The following POU2F2 variants were observed in gnomAD, a reference collection of about 807,000 sequenced individuals.
POU2F2 encodes the protein POU domain, class 2, transcription factor 2.
A neutral mutation model predicts 63.5 loss-of-function variants in POU2F2; 14 were observed. The ratio of observed to expected loss-of-function variants is 0.22; its 90% confidence interval spans 0.15 to 0.34. The LOEUF is 0.34. Among genes scored for constraint, POU2F2 ranks in the 10% least tolerant of loss-of-function variants. The pLI is 1.00. For missense variants in POU2F2, 607 were observed against 815.2 expected (o/e 0.74, Z 3.11); for synonymous variants, 306 against 348.6 (o/e 0.88, Z 1.36).
rs1431830579 is a variant in POU2F2, at chr19:42,122,582, G to A, written c.29-6C>T. On this transcript the variant is annotated splice_polypyrimidine_tract_variant and splice_region_variant and intron_variant, in intron 1 of 14. Transcript: ENST00000692977. ...GGGCTTAGACATTCTTATTTCTGGGGACAGAGGAGGAATGGAAGTGGGGTG... is the reference window on the plus strand; with the variant it reads ...GGGCTTAGACATTCTTATTTCTGGGAACAGAGGAGGAATGGAAGTGGGGTG... 7.6e-6 allele frequency: 12 copies of A among 1,569,392 alleles called. No homozygotes were observed. Among genetic ancestry groups the A allele is most frequent in the Non-Finnish European group, 1.0e-5 (12 of 1,157,338 alleles).
At chr19:42,174,413 G>A (rs527965659) in intron 1 of POU2F2, among the ~76,000 whole-genome samples, 31 of 152,312 alleles carry the variant, frequency 2.0e-4, no homozygotes, top group African/African-American at 6.5e-4. Context: ...GCCTGCACAC[G>A]CGTGGACGGC....
chr19:42,170,694 T>G (rs951749356), intron 1 of POU2F2, among the ~76,000 whole-genome samples: 10 of 152,198 alleles, frequency 6.6e-5, no homozygotes, highest in Admixed American at 6.5e-4. Context: ...GATAAATGTA[T>G]GAACACACAT....
At chr19:42,120,302 T>C (rs1419734936) in intron 4 of POU2F2, among the ~76,000 whole-genome samples, 1 of 151,352 alleles carries the variant, frequency 6.6e-6, no homozygotes, top group African/African-American at 2.4e-5. Context: ...CTGCAACCTC[T>C]ACCTCCTGGG....
At chr19:42,112,118 G>A (rs2031201958) in intron 5 of POU2F2, among the ~76,000 whole-genome samples, 1 of 152,214 alleles carries the variant, frequency 6.6e-6, no homozygotes, top group African/African-American at 2.4e-5. Flanking sequence ...GGAACCAGTG[G>A]GAGCAACTGG....
At chr19:42,115,554 T>C (rs1028429907) in intron 5 of POU2F2, among the ~76,000 whole-genome samples, 1 of 152,120 alleles carries the variant, frequency 6.6e-6, no homozygotes, top group African/African-American at 2.4e-5. Flanking sequence ...CTAAGGCTTA[T>C]GAAAACCAGA....
At chr19:42,151,881 A>G (rs1027655174) in intron 2 of POU2F2, among the ~76,000 whole-genome samples, 4 of 152,206 alleles carry the variant, frequency 2.6e-5, no homozygotes, top group Non-Finnish European at 4.4e-5. Flanking sequence ...CCAGAAGAGA[A>G]AAAGTCTAAA....
At chr19:42,170,981 G>A (rs1168923871) in intron 1 of POU2F2, among the ~76,000 whole-genome samples, 4 of 152,262 alleles carry the variant, frequency 2.6e-5, no homozygotes, top group Admixed American at 6.5e-5. Context: ...GCCATTAGTC[G>A]GCTCCTGCCT....
chr19:42,153,002 C>A lies in POU2F2; in HGVS notation c.-9+7330G>T, dbSNP rs537064782. 6.6e-6 allele frequency among the ~76,000 whole-genome samples: 1 copy of A among 152,202 alleles called. No individual in the cohort carries two copies. Among genetic ancestry groups the A allele is most frequent in the East Asian group, 1.9e-4 (1 of 5,164 alleles). Reference sequence around the variant, plus strand: ...GGACACAAAGAACAGTGGGGCGAACCCTCAGGCCGGCCTGCGCCCACCCCC... The same window carrying A: ...GGACACAAAGAACAGTGGGGCGAACACTCAGGCCGGCCTGCGCCCACCCCC... On this transcript the variant is annotated intron_variant, in intron 2 of 6. Transcript: ENST00000524801. This position sits in a 1 kb window ranked among gnomAD's most constrained non-coding sequence, Gnocchi z 5.6.
At chr19:42,149,253 C>T (rs1488353533) in intron 2 of POU2F2, among the ~76,000 whole-genome samples, 1 of 152,170 alleles carries the variant, frequency 6.6e-6, no homozygotes, top group Non-Finnish European at 1.5e-5. Flanking sequence ...CCCCTCAGTT[C>T]CCAGCTCCAT....
At chr19:42,141,086 C>T (rs2034117319) in intron 2 of POU2F2, among the ~76,000 whole-genome samples, 1 of 152,228 alleles carries the variant, frequency 6.6e-6, no homozygotes, top group Admixed American at 6.5e-5. Flanking sequence ...AGTCTTGCCA[C>T]AGCTCCAGGT....
intron 1 of POU2F2, among the ~76,000 whole-genome samples, chr19:42,170,331 C>T (rs2034736408): frequency 6.6e-6 from 1 of 151,382 alleles, no homozygotes; most frequent in Non-Finnish European, 1.5e-5. Flanking sequence ...CAAACAGATG[C>T]ACAAAGACGG....
Position 42,158,067 on chromosome 19 carries a change from T to C in POU2F2, c.-9+2265A>G, listed in dbSNP as rs542597790. Among the ~76,000 whole-genome samples the C allele has an allele frequency of 3.6e-4, 55 of 152,336 alleles. 1 individual carries two copies. The South Asian group carries it at 0.011, about 29-fold the overall frequency. ...GAGCAGGTGAGGGCGATGTTTATTG[T>C]AGTTGTTGTTTCGTAACAAAACTAT... On this transcript the variant is annotated intron_variant, in intron 2 of 6. Transcript: ENST00000524801.
intron 2 of POU2F2, among the ~76,000 whole-genome samples, chr19:42,145,972 G>C (rs1356668536): frequency 6.9e-6 from 1 of 145,548 alleles, no homozygotes. Context: ...GGTGGAGCTT[G>C]CAATGAGCCG....
At chr19:42,174,429 C>T (rs758424720) in intron 1 of POU2F2, among the ~76,000 whole-genome samples, 3 of 152,192 alleles carry the variant, frequency 2.0e-5, no homozygotes, top group African/African-American at 7.2e-5. Context: ...ACGGCTTCCA[C>T]GCACAGAGCC....
At chr19:42,110,515 A>G (rs1047488154) in intron 5 of POU2F2, 3 of 190,528 alleles carry the variant, frequency 1.6e-5, no homozygotes, top group Non-Finnish European at 3.4e-5. Flanking sequence ...TCCAGCTTGG[A>G]AACTCGGGGG....
upstream of POU2F2, among the ~76,000 whole-genome samples, chr19:42,180,928 A>G (rs1813791084): frequency 6.6e-6 from 1 of 151,426 alleles, no homozygotes; most frequent in Non-Finnish European, 1.5e-5. Flanking sequence ...TGAGGTCTCC[A>G]TATGTTCCCC....
Position 42,110,094 on chromosome 19 carries a change from A to AT in POU2F2, c.369+7155dup, listed in dbSNP as rs760668134. Among the ~76,000 whole-genome samples, 384 of 141,502 alleles carry AT rather than the reference A, an allele frequency of 2.7e-3. 1 individual carries two copies. The highest frequency in any genetic ancestry group is 7.4e-3 in the Middle Eastern group (2 of 272). 92.8% of individuals were successfully genotyped at this position (141,502 alleles called of 152,430 possible). On this transcript the variant is annotated intron_variant, in intron 5 of 14. Transcript: ENST00000692977. ...AACATAGTGAAACCCCATCTCCACA[A>AT]TTTTTTTTTTTTTTTTTACTTATCC...
intron 1 of POU2F2, among the ~76,000 whole-genome samples, chr19:42,126,635 C>T (rs1426231030): frequency 1.3e-5 from 2 of 152,112 alleles, no homozygotes; most frequent in East Asian, 3.9e-4. Context: ...TCTCTTATTT[C>T]AGCCACCTAG....
chr19:42,097,495 C>CTT (rs565786464), intron 7 of POU2F2, among the ~76,000 whole-genome samples: 32 of 136,346 alleles, frequency 2.3e-4, no homozygotes, highest in African/African-American at 4.3e-4. Context: ...TGCGCCCTGC[C>CTT]TTTTTTTTTT....
Sources: gnomAD v4.1 joint callset for allele counts (sites outside exome capture counted in the v4.1 genomes callset) on GRCh38, gnomAD v4.1.1 for gene constraint, Gnocchi (gnomAD v3.1) non-coding constraint, MANE v1.5 for transcripts, NCBI Gene and HGNC (gene_info 2026-07-23, HGNC 2026-07-21) for gene names.